Variants in DDB1 observed in about 807,000 individuals in gnomAD.
The protein encoded by DDB1 is damage specific DNA binding protein 1.
A neutral mutation model predicts 133.1 loss-of-function variants in DDB1; 18 were observed. The ratio of observed to expected loss-of-function variants is 0.14; its 90% CI spans 0.09 to 0.20. DDB1 has a LOEUF of 0.20. Ranked by LOEUF, DDB1 falls within the 10% of genes least tolerant of loss-of-function variation. The pLI, the probability that DDB1 is intolerant of heterozygous loss-of-function variation, is 1.00. For synonymous variants in DDB1, 580 were observed against 550.5 expected (o/e 1.05, Z -0.75); for missense variants, 828 against 1,459.2 (o/e 0.57, Z 7.05).
chr11:61,309,083 G>A lies in DDB1; in HGVS notation c.2567-6C>T, dbSNP rs778752293. The A allele has an allele frequency of 6.2e-7, 1 of 1,613,738 alleles. No individual in the cohort carries two copies. Among genetic ancestry groups the A allele is most frequent in the Admixed American group, 1.7e-5 (1 of 59,994 alleles). Reference sequence around the variant, plus strand: ...AGCCACAGTCTGTAGTTTTCCTGGGGGTGGAAAAAATATGTTTGAGTCTCT... The same window carrying A: ...AGCCACAGTCTGTAGTTTTCCTGGGAGTGGAAAAAATATGTTTGAGTCTCT... On this transcript the variant is annotated splice_region_variant and splice_polypyrimidine_tract_variant and intron_variant, in intron 20 of 26. Transcript: ENST00000301764.
chr11:61,303,372 G>T, intron 22 of DDB1: 1 of 495,508 alleles, frequency 2.0e-6, no homozygotes. Flanking sequence ...CCTAGTCAGA[G>T]TTTGAGTTGG....
chr11:61,327,287 C>T (rs566275073), intron 4 of DDB1, among the ~76,000 whole-genome samples: 41 of 152,190 alleles, frequency 2.7e-4, no homozygotes, highest in African/African-American at 9.2e-4. Flanking sequence ...CTAGCCAACA[C>T]GGCAAAACCC....
intron 1 of DDB1, 104 bp from the exon 2 acceptor site, chr11:61,331,795 A>T: frequency 6.8e-7 from 1 of 1,465,756 alleles, no homozygotes; most frequent in Non-Finnish European, 9.3e-7. Context: ...ATTCTCATTT[A>T]CTTCACATAC....
chr11:61,309,652 T>C (rs1460191312), intron 20 of DDB1, 144 bp downstream of exon 20: 1 of 826,316 alleles, frequency 1.2e-6, no homozygotes, highest in African/African-American at 1.7e-5. Context: ...CAAAATTCAA[T>C]CAAATAAAGA....
At chr11:61,314,734 AT>A in intron 12 of DDB1, 1 of 394,690 alleles carries the variant, frequency 2.5e-6, no homozygotes. Context: ...GGCCTATTTC[AT>A]TCTAATTGAG....
rs776704384 is a variant in DDB1 at position 61,302,370 on chromosome 11, G to A, written c.3113-11C>T. ...GTGAGGTCACCAGCCCTGAAGAAGT[G>A]AAGGAGGCAGTGAGCTGCAGAGAGC... is the stretch of plus-strand genomic sequence containing the variant. On this transcript the variant is annotated splice_polypyrimidine_tract_variant and intron_variant, in intron 24 of 26. Coordinates refer to ENST00000301764, the MANE Select transcript of DDB1 (RefSeq NM_001923.5). The A allele has an allele frequency of 6.2e-7, 1 of 1,613,420 alleles. No homozygotes were observed. Among genetic ancestry groups the A allele is most frequent in the Non-Finnish European group, 8.5e-7 (1 of 1,179,400 alleles).
At chr11:61,302,497 G>A (rs1007861995) in intron 24 of DDB1, 85 bp downstream of exon 24, 6 of 1,592,228 alleles carry the variant, frequency 3.8e-6, no homozygotes, top group Admixed American at 1.7e-5. Context: ...CCTAGGTCTT[G>A]TACAGTTGCT....
chr11:61,314,101 G>C lies in DDB1; in HGVS notation c.1699C>G (p.Arg567Gly). Residue 567 changes from arginine (R) to glycine (G), a missense_variant, in exon 14 of 27, where the codon CGT becomes GGT. Physicochemically the swap from Arg to Gly is moderately radical, Grantham distance 125 (BLOSUM62 -2). Coordinates refer to ENST00000301764, the MANE Select transcript of DDB1 (RefSeq NM_001923.5). ...AIGLWTDISA[R>G]ILKLPSFELL... is the part of the protein sequence containing the mutation. ...TCAAAAGAGGGCAACTTCAAGATACGAGCCGAGATGTCCGTCCAGAGGCCA... is the reference window on the plus strand; with the variant it reads ...TCAAAAGAGGGCAACTTCAAGATACCAGCCGAGATGTCCGTCCAGAGGCCA... 6.2e-7 allele frequency: 1 copy of C among 1,614,098 alleles called. No individual in the cohort carries two copies. The highest frequency in any genetic ancestry group is 8.5e-7 in the Non-Finnish European group (1 of 1,180,014).
intron 21 of DDB1, among the ~76,000 whole-genome samples, chr11:61,305,534 G>T (rs1855870041): frequency 6.6e-6 from 1 of 152,098 alleles, no homozygotes; most frequent in South Asian, 2.1e-4. Flanking sequence ...ACATACTATG[G>T]TTACCACACC....
chr11:61,309,852 T>C lies in DDB1; in HGVS notation c.2510A>G (p.Tyr837Cys), dbSNP rs1159889405. 1 of 1,614,230 alleles carries C rather than the reference T, an allele frequency of 6.2e-7. No individual in the cohort carries two copies. Among genetic ancestry groups the C allele is most frequent in the Non-Finnish European group, 8.5e-7 (1 of 1,180,042 alleles). ...TYFIVGTAMV[Y>C]PEEAEPKQGR... is the part of the protein sequence containing the mutation. ...CTGCTTGGGCTCTGCCTCTTCAGGATACACCATTGCTGTGCCCACAATGAA... is the reference window on the plus strand; with the variant it reads ...CTGCTTGGGCTCTGCCTCTTCAGGACACACCATTGCTGTGCCCACAATGAA... Residue 837 changes from tyrosine to cysteine, a missense_variant, in exon 20 of 27, where the codon TAT becomes TGT. Tyr to Cys is a radical substitution (Grantham distance 194). Transcript: ENST00000301764.
At chr11:61,316,069 C>T (rs113074869) in intron 12 of DDB1, 1 of 476,200 alleles carries the variant, frequency 2.1e-6, no homozygotes, top group Non-Finnish European at 3.7e-6. Context: ...AATAAATACA[C>T]AGACATTTGC....
At chr11:61,306,900 C>T (rs1855890349) in intron 21 of DDB1, among the ~76,000 whole-genome samples, 2 of 152,192 alleles carry the variant, frequency 1.3e-5, no homozygotes, top group Admixed American at 1.3e-4. Context: ...AGAAATAATG[C>T]ATTTTCCTAC....
chr11:61,328,314 A>T (rs1391401619), intron 4 of DDB1, among the ~76,000 whole-genome samples: 1 of 152,264 alleles, frequency 6.6e-6, no homozygotes, highest in Non-Finnish European at 1.5e-5. Context: ...CCTCCAACAT[A>T]TAACAAGGCT....
chr11:61,304,966 T>C (rs1049493962), intron 21 of DDB1, among the ~76,000 whole-genome samples: 1 of 151,836 alleles, frequency 6.6e-6, no homozygotes, highest in Non-Finnish European at 1.5e-5. Context: ...TCCAAAAGAA[T>C]GAAAATGCTT....
rs928399707 is a variant in DDB1, at chr11:61,314,317, C to A, written c.1580G>T (p.Arg527Leu). The change falls in exon 13 of 27, where the codon CGG becomes CTG. Residue 527 changes from arginine to leucine, a missense_variant. Arg to Leu is a moderately radical substitution (Grantham distance 102). Coordinates refer to ENST00000301764, the MANE Select transcript of DDB1 (RefSeq NM_001923.5). The stretch of plus-strand genomic sequence containing the variant: ...AGAAAAACACACACACCTGATCTGC[C>A]GGAGCTCCTGAGGATGGATCTGCAG... Reference protein sequence around the residue: ...YYLQIHPQELRQISHTEMEHE... With the variant: ...YYLQIHPQELLQISHTEMEHE... 6.2e-7 allele frequency: 1 copy of A among 1,610,808 alleles called. No homozygotes were observed.
intron 10 of DDB1, among the ~76,000 whole-genome samples, chr11:61,319,632 A>G (rs550172773): frequency 1.3e-5 from 2 of 152,142 alleles, no homozygotes; most frequent in South Asian, 4.2e-4. Flanking sequence ...GGGTTTCACC[A>G]TGCTGGCCAG....
intron 5 of DDB1, 111 bp from the exon 6 acceptor site, chr11:61,325,819 A>T: frequency 1.2e-6 from 1 of 825,130 alleles, no homozygotes; most frequent in Non-Finnish European, 2.1e-6. Flanking sequence ...GGTCATCATT[A>T]TTTTAAAAAG....
rs1040251951 is a variant in DDB1, at chr11:61,300,050, G to A, written c.*86C>T. Reference sequence around the variant, plus strand: ...CTGGCTTAGGGAAAGGCCTCCCATGGCCAAGAAGACGATGGTGGAGAGGAG... The same window carrying A: ...CTGGCTTAGGGAAAGGCCTCCCATGACCAAGAAGACGATGGTGGAGAGGAG... On this transcript the variant is annotated 3_prime_UTR_variant, in exon 27 of 27. Coordinates refer to ENST00000301764, the MANE Select transcript of DDB1 (RefSeq NM_001923.5). The A allele has an allele frequency of 3.5e-6, 5 of 1,419,618 alleles. No individual in the cohort carries two copies. The African/African-American group carries it at 4.2e-5, about 12-fold the overall frequency. 87.9% of individuals were successfully genotyped at this position (1,419,618 alleles called of 1,614,324 possible).
At position 61,302,760 on chromosome 11, in the gene DDB1, C is replaced by A; in HGVS notation, c.2943-9G>T. On this transcript the variant is annotated splice_polypyrimidine_tract_variant and intron_variant, in intron 23 of 26. Transcript: ENST00000301764. The stretch of plus-strand genomic sequence containing the variant: ...CGTCAGTGGTGGCAGCGCTGAAAGG[C>A]GGTAAGAAAGTCACTTTCTGAACCT... 1.2e-6 allele frequency: 2 copies of A among 1,614,040 alleles called. No homozygotes were observed. The highest frequency in any genetic ancestry group is 1.7e-6 in the Non-Finnish European group (2 of 1,179,920).
Sources: gnomAD v4.1 joint callset for allele counts (sites outside exome capture counted in the v4.1 genomes callset) on GRCh38, gnomAD v4.1.1 for gene constraint, MANE v1.5 for transcripts, NCBI Gene and HGNC (gene_info 2026-07-23, HGNC 2026-07-21) for gene names.